GRIK2: variants seen among roughly 807,000 people sequenced by gnomAD.
The protein encoded by GRIK2 is glutamate ionotropic receptor kainate type subunit 2, also known as glutamate receptor ionotropic, kainate 2.
GRIK2 carries 32 observed loss-of-function variants against 100.3 expected under a neutral mutation model. The observed-to-expected ratio is 0.32, with a 90% CI of 0.24 to 0.43. The LOEUF (loss-of-function observed/expected upper bound fraction) is 0.43, where lower values mean the gene tolerates loss of function less well. Ranked by LOEUF, GRIK2 falls within the 20% of genes least tolerant of loss-of-function variation. The probability of loss-of-function intolerance (pLI) is 1.00; values close to 1 mark genes in which losing one functional copy is unlikely to be tolerated. For synonymous variants in GRIK2, 417 were observed against 389.4 expected, an observed-to-expected ratio of 1.07 and a Z score of -0.83; for missense variants, 843 against 1,114.9, an observed-to-expected ratio of 0.76 and a Z score of 3.47.
At chr6:101,918,894 G>A (rs181785914) in intron 12 of GRIK2, among the ~76,000 whole-genome samples, 27 of 151,704 alleles carry the variant, frequency 1.8e-4, no homozygotes, top group Non-Finnish European at 3.0e-4. Flanking sequence ...AAGACAGTAG[G>A]TGATAAATAG....
chr6:101,400,400 G>C (rs528492409), intron 2 of GRIK2, among the ~76,000 whole-genome samples: 1 of 152,270 alleles, frequency 6.6e-6, no homozygotes, highest in South Asian at 2.1e-4. Flanking sequence ...AGTTTTAGTA[G>C]GAGCAGAACT....
chr6:101,882,725 A>C (rs1034860872), intron 11 of GRIK2, among the ~76,000 whole-genome samples: 2 of 152,128 alleles, frequency 1.3e-5, no homozygotes, highest in African/African-American at 4.8e-5. Context: ...ACATAAGTTT[A>C]TGTTTTTGTA....
At chr6:101,507,877 A>G (rs1233700611) in intron 2 of GRIK2, among the ~76,000 whole-genome samples, 2 of 152,196 alleles carry the variant, frequency 1.3e-5, no homozygotes, top group Admixed American at 1.3e-4. Flanking sequence ...AAATTGGATC[A>G]CAAGAGTTAG....
chr6:102,025,130 T>A (rs1237888942), intron 14 of GRIK2, among the ~76,000 whole-genome samples: 2 of 151,154 alleles, frequency 1.3e-5, no homozygotes, highest in African/African-American at 4.8e-5. Flanking sequence ...CTGAAAGTAA[T>A]ATGCCTGTCT....
At chr6:101,766,399 A>G (rs1778047786) in intron 7 of GRIK2, among the ~76,000 whole-genome samples, 1 of 152,178 alleles carries the variant, frequency 6.6e-6, no homozygotes, top group Non-Finnish European at 1.5e-5. Context: ...TATCCTGAAG[A>G]GTTCCTGAAA....
At chr6:101,588,777 G>T (rs115422163) in intron 2 of GRIK2, among the ~76,000 whole-genome samples, 1 of 151,982 alleles carries the variant, frequency 6.6e-6, no homozygotes, top group Non-Finnish European at 1.5e-5. Context: ...ACATACATAT[G>T]TAACAAACCT....
At chr6:101,996,024 G>A (rs1452478649) in intron 14 of GRIK2, among the ~76,000 whole-genome samples, 4 of 151,870 alleles carry the variant, frequency 2.6e-5, no homozygotes, top group Admixed American at 2.0e-4. Context: ...GCATGTGACT[G>A]GACTAAAAAT....
At chr6:101,526,206 T>A (rs536747451) in intron 2 of GRIK2, among the ~76,000 whole-genome samples, 55 of 152,280 alleles carry the variant, frequency 3.6e-4, no homozygotes, top group African/African-American at 1.3e-3. Flanking sequence ...ATCACTGTGA[T>A]CATTATTAAT....
At chr6:101,954,003 G>T (rs962636998) in intron 14 of GRIK2, among the ~76,000 whole-genome samples, 5 of 152,054 alleles carry the variant, frequency 3.3e-5, no homozygotes, top group Non-Finnish European at 7.4e-5. Context: ...ACAGTGTGTT[G>T]AAGACTATTC....
intron 2 of GRIK2, among the ~76,000 whole-genome samples, chr6:101,452,773 G>A (rs1159793684): frequency 2.0e-5 from 3 of 151,670 alleles, no homozygotes; most frequent in African/African-American, 4.8e-5. Flanking sequence ...ACCCAACAAC[G>A]ACAGTATTAC....
At chr6:101,486,875 G>A (rs1772863578) in intron 2 of GRIK2, among the ~76,000 whole-genome samples, 1 of 146,766 alleles carries the variant, frequency 6.8e-6, no homozygotes. Context: ...GTAGTTATGT[G>A]GAACAAGATT....
chr6:101,571,832 G>A (rs1481980912), intron 2 of GRIK2, among the ~76,000 whole-genome samples: 1 of 152,022 alleles, frequency 6.6e-6, no homozygotes, highest in African/African-American at 2.4e-5. Context: ...ATCTCTGATA[G>A]AAAATAAACT....
intron 15 of GRIK2, among the ~76,000 whole-genome samples, chr6:102,040,613 T>G (rs181416241): frequency 6.6e-6 from 1 of 151,744 alleles, no homozygotes; most frequent in Admixed American, 6.6e-5. Context: ...AGATGTAGAA[T>G]TGGTACCAGT....
chr6:101,403,352 G>A (rs1196467262), intron 2 of GRIK2, among the ~76,000 whole-genome samples: 1 of 152,174 alleles, frequency 6.6e-6, no homozygotes, highest in East Asian at 1.9e-4. Context: ...TTAAAGACAA[G>A]CCAGTGGAAC....
intron 7 of GRIK2, among the ~76,000 whole-genome samples, chr6:101,746,846 C>T (rs1350792411): frequency 2.6e-5 from 4 of 152,034 alleles, no homozygotes; most frequent in Non-Finnish European, 4.4e-5. Context: ...TGTAATACCC[C>T]GCTTGTTGAT....
At chr6:101,611,417 A>G (rs899484707) in intron 2 of GRIK2, among the ~76,000 whole-genome samples, 4 of 151,872 alleles carry the variant, frequency 2.6e-5, no homozygotes, top group Non-Finnish European at 5.9e-5. Flanking sequence ...CTAGTTGAAG[A>G]ACTGCAGAGA....
intron 7 of GRIK2, among the ~76,000 whole-genome samples, chr6:101,758,620 A>G (rs1777288527): frequency 6.6e-6 from 1 of 152,190 alleles, no homozygotes; most frequent in Non-Finnish European, 1.5e-5. Flanking sequence ...AATACAATGT[A>G]ATTTAACAGT....
chr6:101,687,083 A>G (rs1392360349), intron 7 of GRIK2, among the ~76,000 whole-genome samples: 1 of 152,104 alleles, frequency 6.6e-6, no homozygotes, highest in East Asian at 1.9e-4. Flanking sequence ...TAAATAAGTA[A>G]TCAATATAAA....
intron 11 of GRIK2, among the ~76,000 whole-genome samples, chr6:101,868,661 T>TA (rs1562451354): frequency 6.6e-6 from 1 of 151,648 alleles, no homozygotes; most frequent in Non-Finnish European, 1.5e-5. Flanking sequence ...TTTAAAAAAT[T>TA]AAAAAAAGGA....
Sources: allele counts gnomAD v4.1 joint callset (sites outside exome capture counted in the v4.1 genomes callset), GRCh38; gene constraint gnomAD v4.1.1; transcripts MANE v1.5; gene names NCBI Gene and HGNC (gene_info 2026-07-23, HGNC 2026-07-21).